Variants in CD163L1 observed in about 807,000 individuals in gnomAD.
The protein encoded by CD163L1 is CD163 molecule like 1.
A neutral mutation model predicts 165.4 loss-of-function variants in CD163L1; 124 were observed. The observed-to-expected ratio is 0.75, with a 90% CI of 0.65 to 0.87. The LOEUF (loss-of-function observed/expected upper bound fraction) is 0.87. Among genes scored for constraint, CD163L1 ranks in the 40% least tolerant of loss-of-function variants. CD163L1 has a pLI of 0.00. For missense variants in CD163L1, 1,525 were observed against 1,799.9 expected, an observed-to-expected ratio of 0.85 and a Z score of 2.76; for synonymous variants, 585 against 662.2, an observed-to-expected ratio of 0.88 and a Z score of 1.79.
intron 8 of CD163L1, among the ~76,000 whole-genome samples, chr12:7,385,250 TA>T (rs59433408): frequency 0.011 from 1,595 of 139,256 alleles, 11 homozygotes; most frequent in African/African-American, 0.021. Flanking sequence ...TTAAAAACTG[TA>T]AAAAAAAAAA....
rs755349675 is a variant in CD163L1 at position 7,400,323 on chromosome 12, C to T, written c.1409-1739G>A. Reference sequence around the variant, plus strand: ...TGTGGGGGTATGAACAGATATATGACGCATGTATATATAATATGTATCATT... The same window carrying T: ...TGTGGGGGTATGAACAGATATATGATGCATGTATATATAATATGTATCATT... On this transcript the variant is annotated intron_variant, in intron 6 of 19. Transcript: ENST00000313599. This position sits in a 1 kb window ranked among gnomAD's most constrained non-coding sequence, Gnocchi z 4.1. Among the ~76,000 whole-genome samples the T allele has an allele frequency of 1.7e-4, 26 of 152,010 alleles. No homozygotes were observed. Among genetic ancestry groups the T allele is most frequent in the Non-Finnish European group, 3.2e-4 (22 of 68,008 alleles).
chr12:7,397,583 C>A (rs1211480770), intron 7 of CD163L1, among the ~76,000 whole-genome samples: 1 of 152,168 alleles, frequency 6.6e-6, no homozygotes, highest in Admixed American at 6.5e-5. Flanking sequence ...CAACCATCCA[C>A]CTCTGTGTGA....
the CD163L1 span, chr12:7,320,860 A>G: frequency 1.4e-6 from 2 of 1,427,372 alleles, no homozygotes; most frequent in Non-Finnish European, 9.8e-7. Context: ...ATCCAGGATC[A>G]CAGATCTCTC....
intron 4 of CD163L1, among the ~76,000 whole-genome samples, chr12:7,426,654 G>C (rs993228791): frequency 1.3e-5 from 2 of 151,958 alleles, no homozygotes; most frequent in Non-Finnish European, 2.9e-5. Context: ...CAGGTTGATA[G>C]GTGCAGCAAA....
intron 8 of CD163L1, among the ~76,000 whole-genome samples, chr12:7,389,931 GAATA>G (rs1947610161): frequency 7.2e-6 from 1 of 139,242 alleles, no homozygotes; most frequent in African/African-American, 2.9e-5. Flanking sequence ...AAGGATGAAT[GAATA>G]ATTAAACATT....
intron 5 of CD163L1, among the ~76,000 whole-genome samples, chr12:7,404,816 A>C (rs1375276203): frequency 2.0e-5 from 3 of 152,178 alleles, no homozygotes; most frequent in African/African-American, 7.2e-5. Flanking sequence ...CCTGGTTGCC[A>C]GGCACATTTT....
In CD163L1 at chr12:7,359,452, T is replaced by A. The variant is rs750633872; in HGVS notation, c.4280-1966A>T. On this transcript the variant is annotated intron_variant, in intron 18 of 19. Transcript: ENST00000313599. The stretch of plus-strand genomic sequence containing the variant: ...AAGATATGCTAGCAAAAAGAGGGAG[T>A]ATAATATTTAGTGTGAAAAAAAGAA... 7.2e-5 allele frequency among the ~76,000 whole-genome samples: 11 copies of A among 152,062 alleles called. No individual in the cohort carries two copies. In the South Asian group the frequency reaches 2.3e-3, roughly 31 times the overall value.
the CD163L1 span, among the ~76,000 whole-genome samples, chr12:7,336,861 A>T: frequency 6.6e-6 from 1 of 152,122 alleles, no homozygotes; most frequent in Non-Finnish European, 1.5e-5. Context: ...CCGTATAGCC[A>T]AGACAACCCT....
intron 19 of CD163L1, among the ~76,000 whole-genome samples, chr12:7,356,242 T>C (rs1946772236): frequency 6.6e-6 from 1 of 152,128 alleles, no homozygotes; most frequent in South Asian, 2.1e-4. Flanking sequence ...AAATTATCAA[T>C]AGCATATAAA....
intron 2 of CD163L1, among the ~76,000 whole-genome samples, chr12:7,438,140 G>A (rs1286175723): frequency 6.6e-6 from 1 of 151,966 alleles, no homozygotes; most frequent in Non-Finnish European, 1.5e-5. Context: ...CACTAATGAA[G>A]ATAATACTGC....
At chr12:7,435,849 A>G (rs897981220) in intron 2 of CD163L1, among the ~76,000 whole-genome samples, 3 of 152,138 alleles carry the variant, frequency 2.0e-5, no homozygotes, top group Non-Finnish European at 2.9e-5. Flanking sequence ...AAGATAATAT[A>G]TTTTACTTAA....
the CD163L1 span, among the ~76,000 whole-genome samples, chr12:7,339,272 T>C: frequency 1.3e-5 from 2 of 152,110 alleles, no homozygotes; most frequent in Non-Finnish European, 2.9e-5. Context: ...TAAGAAAGTA[T>C]CTTGGGCCCT....
chr12:7,357,464 A>C lies in CD163L1; in HGVS notation c.4302T>G (p.Cys1434Trp), dbSNP rs745635917. 5 of 1,612,552 alleles carry C rather than the reference A, an allele frequency of 3.1e-6. No individual in the cohort carries two copies. The highest frequency in any genetic ancestry group is 3.4e-6 in the Non-Finnish European group (4 of 1,179,064). ...ACAGCGATGTGTCGCTAGCATCTTC[A>C]CAACCATGGTTGGGGGTGTCATCTG... ...RTSDDTPNHG[C>W]EDASDTSLLG... Residue 1434 changes from cysteine to tryptophan, a missense_variant, in exon 19 of 20, where the codon TGT becomes TGG. Transcript: ENST00000313599.
At chr12:7,420,651 A>C (rs1222292213) in intron 4 of CD163L1, among the ~76,000 whole-genome samples, 2 of 152,132 alleles carry the variant, frequency 1.3e-5, no homozygotes, top group Non-Finnish European at 2.9e-5. Context: ...TAAAAGCCAC[A>C]ATGCAATACC....
chr12:7,441,632 T>C (rs1279779942), intron 1 of CD163L1, among the ~76,000 whole-genome samples: 2 of 152,216 alleles, frequency 1.3e-5, no homozygotes, highest in Non-Finnish European at 2.9e-5. Context: ...ATCCCCCTAC[T>C]TTGTTCATTC....
intron 4 of CD163L1, among the ~76,000 whole-genome samples, chr12:7,410,716 G>C (rs940638843): frequency 7.9e-5 from 12 of 151,312 alleles, no homozygotes; most frequent in African/African-American, 2.4e-5. Context: ...TGTAGTCCCA[G>C]CTACTCGGGA....
chr12:7,346,476 CT>C (rs773156161), downstream of CD163L1, among the ~76,000 whole-genome samples: 4 of 151,756 alleles, frequency 2.6e-5, no homozygotes, highest in Admixed American at 6.6e-5. Flanking sequence ...TTCTTTTACT[CT>C]TTTTTTTCTC....
chr12:7,357,679 A>C lies in CD163L1; in HGVS notation c.4280-193T>G, dbSNP rs765457676. ...TCATATTTAAAAGGATAAACCATTAAGTGTTACCAAAACAAATAATACAAC... is the reference window on the plus strand; with the variant it reads ...TCATATTTAAAAGGATAAACCATTACGTGTTACCAAAACAAATAATACAAC... On this transcript the variant is annotated intron_variant, in intron 18 of 19. Coordinates refer to ENST00000313599, the MANE Select transcript of CD163L1 (RefSeq NM_174941.6). 1.8e-5 allele frequency: 7 copies of C among 389,486 alleles called. 1 individual carries two copies. Among genetic ancestry groups the C allele is most frequent in the South Asian group, 1.3e-4 (2 of 15,792 alleles). The allele number at this position is 389,486 out of a possible 1,614,324, so 24.1% of individuals were successfully genotyped here.
intron 4 of CD163L1, among the ~76,000 whole-genome samples, chr12:7,420,996 CATATAT>C (rs1187492436): frequency 8.1e-6 from 1 of 122,830 alleles, no homozygotes; most frequent in Admixed American, 8.3e-5. Flanking sequence ...TATATATATA[CATATAT>C]ATATATACGT....
Sources: allele counts gnomAD v4.1 joint callset (sites outside exome capture counted in the v4.1 genomes callset), GRCh38; gene constraint gnomAD v4.1.1; non-coding constraint Gnocchi (gnomAD v3.1); transcripts MANE v1.5; gene names NCBI Gene and HGNC (gene_info 2026-07-23, HGNC 2026-07-21).